The following ARHGEF3 variants were observed in gnomAD, a reference collection of about 807,000 sequenced individuals.
ARHGEF3 encodes the protein Rho guanine nucleotide exchange factor 3, also known as 59.8 kDA protein.
A neutral mutation model predicts 63.2 loss-of-function variants in ARHGEF3; 28 were observed. That is an observed-to-expected ratio of 0.44 (90% CI 0.33 to 0.61). The LOEUF is 0.61. Among genes scored for constraint, ARHGEF3 ranks in the 20% least tolerant of loss-of-function variants. The probability of loss-of-function intolerance (pLI) is 0.03; values close to 1 mark genes in which losing one functional copy is unlikely to be tolerated. For synonymous variants in ARHGEF3, 266 were observed against 254.2 expected (o/e 1.05, Z -0.44); for missense variants, 533 against 659.3 (o/e 0.81, Z 2.10).
In ARHGEF3 at chr3:57,002,479, T is replaced by TTATATATATA. The variant is rs1159985048; in HGVS notation, c.62+32599_62+32608dup. ...TCTAAGCACTATATATATATATATG[T>TTATATATATA]TATATATATATATATATGTTATATA... On this transcript the variant is annotated intron_variant, in intron 2 of 12. Coordinates refer to the ARHGEF3 transcript ENST00000338458. Among the ~76,000 whole-genome samples the TTATATATATA allele has an allele frequency of 7.0e-3, 274 of 39,398 alleles. 12 individuals carry two copies. Among genetic ancestry groups the TTATATATATA allele is most frequent in the South Asian group, 0.027 (34 of 1,238 alleles). 25.8% of individuals were successfully genotyped at this position (39,398 alleles called of 152,430 possible). A position where few individuals can be genotyped will look rare whatever the true frequency, so the allele number is the denominator to read the frequency against.
intron 3 of ARHGEF3, among the ~76,000 whole-genome samples, chr3:56,919,608 C>T (rs2042073643): frequency 6.6e-6 from 1 of 152,182 alleles, no homozygotes; most frequent in Non-Finnish European, 1.5e-5. Context: ...ATTCCTCTTA[C>T]CTCTGCCAAT....
chr3:57,027,313 C>G (rs558564190), intron 2 of ARHGEF3, among the ~76,000 whole-genome samples: 27 of 152,320 alleles, frequency 1.8e-4, no homozygotes, highest in African/African-American at 6.3e-4. Context: ...GTCACTGGCG[C>G]CACCCTATGA....
At chr3:56,802,150 G>C (rs1403058962), upstream of ARHGEF3, among the ~76,000 whole-genome samples, 1 of 152,198 alleles carries the variant, frequency 6.6e-6, no homozygotes, top group Non-Finnish European at 1.5e-5. Context: ...ATTCGACTCC[G>C]GGCGCCCCCG....
chr3:56,963,518 TCC>T (rs1258528119), intron 2 of ARHGEF3, among the ~76,000 whole-genome samples: 1 of 152,190 alleles, frequency 6.6e-6, no homozygotes, highest in Non-Finnish European at 1.5e-5. Flanking sequence ...AACTCCACTT[TCC>T]CTTCTCAAAG....
intron 1 of ARHGEF3, among the ~76,000 whole-genome samples, chr3:57,063,289 C>G (rs1054047179): frequency 3.7e-5 from 3 of 81,324 alleles, no homozygotes; most frequent in Non-Finnish European, 6.7e-5. Flanking sequence ...GCCTTGCAGC[C>G]AGCCACCCTA....
Position 56,801,766 on chromosome 3 carries a change from C to T in ARHGEF3, c.33G>A (p.Thr11=), listed in dbSNP as rs371520215. ...CCAGGCTGCAGTTCGCTCTCTTGAC[C>T]GTGAGGTAGAAGGGGTAATCCTTGG... The part of the protein sequence containing the change: MVAKDYPFYL[T]VKRANCSLEL... The change falls in exon 1 of 10, where the codon ACG becomes ACA. Residue 11 remains threonine (T), a synonymous_variant. Transcript: ENST00000296315. 6.4e-7 allele frequency: 1 copy of T among 1,569,102 alleles called. No individual in the cohort carries two copies. Among genetic ancestry groups the T allele is most frequent in the Admixed American group, 1.9e-5 (1 of 53,672 alleles).
At chr3:56,938,116 C>T (rs1698988787) in intron 3 of ARHGEF3, among the ~76,000 whole-genome samples, 1 of 152,148 alleles carries the variant, frequency 6.6e-6, no homozygotes, top group Admixed American at 6.5e-5. Context: ...CATCTAATAC[C>T]GCTGGTTTTA....
chr3:56,977,682 T>G (rs533898695), intron 2 of ARHGEF3, among the ~76,000 whole-genome samples: 2 of 152,228 alleles, frequency 1.3e-5, no homozygotes, highest in South Asian at 4.1e-4. Flanking sequence ...AGTGAACAGC[T>G]AACATCTCCA....
At chr3:57,034,319 G>T (rs1703858934) in intron 2 of ARHGEF3, among the ~76,000 whole-genome samples, 1 of 148,020 alleles carries the variant, frequency 6.8e-6, no homozygotes. Flanking sequence ...AAAGGCATAA[G>T]AAAGAGGAAG....
At chr3:56,834,330 T>C (rs192803768) in intron 4 of ARHGEF3, among the ~76,000 whole-genome samples, 2 of 152,246 alleles carry the variant, frequency 1.3e-5, no homozygotes, top group Admixed American at 6.5e-5. Flanking sequence ...AGGTATGAAG[T>C]AGAAAGCAGG....
At chr3:56,840,898 G>C (rs2039288083) in intron 4 of ARHGEF3, among the ~76,000 whole-genome samples, 1 of 152,152 alleles carries the variant, frequency 6.6e-6, no homozygotes, top group Admixed American at 6.5e-5. Context: ...TGGTTAGAAA[G>C]ATTTACTGAG....
intron 4 of ARHGEF3, among the ~76,000 whole-genome samples, chr3:56,752,993 T>C (rs927969109): frequency 2.0e-5 from 3 of 152,170 alleles, no homozygotes; most frequent in Non-Finnish European, 2.9e-5. Context: ...AACGAAAATG[T>C]TTTTGAGGAA....
chr3:57,002,462 C>CTATATATATATATAGGTTATATATATA (rs1702241369), intron 2 of ARHGEF3, among the ~76,000 whole-genome samples: 1 of 38,686 alleles, frequency 2.6e-5, no homozygotes, highest in Non-Finnish European at 4.5e-5. Context: ...GTTCTAAGCA[C>CTATATATATATATAGGTTATATATATA]TATATATATA....
intron 3 of ARHGEF3, among the ~76,000 whole-genome samples, chr3:56,889,951 A>C (rs1343390231): frequency 6.6e-6 from 1 of 152,032 alleles, no homozygotes; most frequent in African/African-American, 2.4e-5. Flanking sequence ...AATCATAGCT[A>C]TCCAGAAGGC....
intron 2 of ARHGEF3, among the ~76,000 whole-genome samples, chr3:56,964,504 C>T (rs956012976): frequency 2.6e-4 from 39 of 152,238 alleles, no homozygotes; most frequent in African/African-American, 8.9e-4. Flanking sequence ...GTACTCTACT[C>T]GTGGGAGCTC....
chr3:56,917,619 G>C (rs2042021170), intron 3 of ARHGEF3, among the ~76,000 whole-genome samples: 1 of 152,202 alleles, frequency 6.6e-6, no homozygotes, highest in Non-Finnish European at 1.5e-5. Context: ...AAATAAGTGA[G>C]CTTGGCAAAT....
chr3:56,929,658 T>C (rs1046483348), intron 3 of ARHGEF3, among the ~76,000 whole-genome samples: 2 of 152,204 alleles, frequency 1.3e-5, no homozygotes, highest in Non-Finnish European at 2.9e-5. Flanking sequence ...GTATTTCCTA[T>C]GTTTCCATAG....
chr3:56,916,374 C>T (rs749654600), intron 3 of ARHGEF3: 37 of 1,533,094 alleles, frequency 2.4e-5, no homozygotes, highest in African/African-American at 1.8e-4. Context: ...CCGGACTCAC[C>T]GGCTCCTAAC....
In ARHGEF3 at chr3:56,732,253, T is replaced by C. The variant is rs780743193; in HGVS notation, c.1213A>G (p.Ser405Gly). The change falls in exon 9 of 10, where the codon AGC becomes GGC. Residue 405 changes from serine to glycine, a missense_variant. Coordinates refer to ENST00000296315, the MANE Select transcript of ARHGEF3 (RefSeq NM_019555.3). ...CTATCCATACTTCTCTCATTGTTGC[T>C]GAATGCCCCTCGCAGGGAGCCACCC... ...RLGGSLRGAF[S>G]NNERIKNFFR... 1.8e-5 allele frequency: 29 copies of C among 1,614,004 alleles called. No homozygotes were observed. The highest frequency in any genetic ancestry group is 2.2e-5 in the Non-Finnish European group (26 of 1,180,054).
Sources: allele counts gnomAD v4.1 joint callset (sites outside exome capture counted in the v4.1 genomes callset), GRCh38; gene constraint gnomAD v4.1.1; transcripts MANE v1.5; gene names NCBI Gene and HGNC (gene_info 2026-07-23, HGNC 2026-07-21).